The following GYG2 variants were observed in gnomAD, a reference collection of about 807,000 sequenced individuals.
GYG2 encodes glycogenin-2.
Under a neutral mutation model 29.4 loss-of-function variants are expected in GYG2, and 29 were observed. That is an observed-to-expected ratio of 0.99 (90% CI 0.74 to 1.35). The LOEUF (loss-of-function observed/expected upper bound fraction) is 1.35. Ranked by LOEUF, GYG2 falls within the 40% of genes most tolerant of loss-of-function variation. The probability of loss-of-function intolerance (pLI) is 0.00; values close to 1 mark genes in which losing one functional copy is unlikely to be tolerated. For missense variants in GYG2, 370 were observed against 385.7 expected (o/e 0.96, Z 0.34); for synonymous variants, 167 against 172.3 (o/e 0.97, Z 0.24).
chrX:2,879,315 T>C (rs1224004316), intron 10 of GYG2, among the ~76,000 whole-genome samples: 2 of 105,406 alleles, frequency 1.9e-5, no homozygotes, highest in Admixed American at 1.0e-4. Context: ...TCACCCAGTC[T>C]GGAGTGCAGT....
chrX:2,842,969 C>T (rs768079799), intron 2 of GYG2: 13 of 409,466 alleles, frequency 3.2e-5, no homozygotes, highest in Middle Eastern at 7.0e-4. Flanking sequence ...CCTGCCACCA[C>T]GCCCAGCTAA....
At position 2,859,827 on chromosome X, in the gene GYG2, T is replaced by G. The variant is rs1479834027; in HGVS notation, c.615-16T>G. 2 of 1,106,238 alleles carry G rather than the reference T, an allele frequency of 1.8e-6. No individual in the cohort carries two copies. The highest frequency in any genetic ancestry group is 2.5e-6 in the Non-Finnish European group (2 of 802,399). 91.2% of individuals were successfully genotyped at this position (1,106,238 alleles called of 1,213,427 possible). On this transcript the variant is annotated splice_polypyrimidine_tract_variant and intron_variant, in intron 6 of 10. Coordinates refer to ENST00000398806, the MANE Select transcript of GYG2 (RefSeq NM_001079855.2). The stretch of plus-strand genomic sequence containing the variant: ...CATCTGAGTGGAAATCAGAATCCCT[T>G]CTGTTTCCTTCTCAGATTCGGTTCC...
intron 2 of GYG2, among the ~76,000 whole-genome samples, chrX:2,839,429 G>A (rs1259410804): frequency 1.8e-5 from 2 of 111,144 alleles, no homozygotes; most frequent in Non-Finnish European, 3.8e-5. Context: ...TTGCTTGGAA[G>A]ATTCCTGGTT....
intron 8 of GYG2, among the ~76,000 whole-genome samples, chrX:2,873,751 C>G (rs1023354290): frequency 6.3e-5 from 7 of 111,317 alleles, no homozygotes; most frequent in African/African-American, 2.3e-4. Flanking sequence ...CGCCCCCAGC[C>G]CCTGGCAACT....
chrX:2,840,806 T>C (rs1160918720), intron 2 of GYG2, among the ~76,000 whole-genome samples: 1 of 110,786 alleles, frequency 9.0e-6, no homozygotes, highest in Non-Finnish European at 1.9e-5. Flanking sequence ...ATATGATAAA[T>C]AGATGATAGA....
chrX:2,843,467 C>T, intron 3 of GYG2, 113 bp downstream of exon 3: 1 of 568,180 alleles, frequency 1.8e-6, no homozygotes, highest in Non-Finnish European at 2.8e-6. Flanking sequence ...TCTTCATAGG[C>T]CTGGATGGCC....
chrX:2,837,300 C>T (rs986830527), intron 2 of GYG2, among the ~76,000 whole-genome samples: 6 of 112,229 alleles, frequency 5.3e-5, no homozygotes, highest in African/African-American at 1.9e-4. Flanking sequence ...AAACAGTGGA[C>T]TCTTCCTTAC....
intron 10 of GYG2, chrX:2,877,875 A>G (rs1328709594): frequency 1.3e-6 from 1 of 750,476 alleles, no homozygotes; most frequent in Non-Finnish European, 1.6e-6. Context: ...TTAAGTAACA[A>G]TCAATACAGC....
intron 8 of GYG2, among the ~76,000 whole-genome samples, chrX:2,864,764 CT>C (rs1182873326): frequency 2.1e-3 from 201 of 96,552 alleles, no homozygotes; most frequent in Non-Finnish European, 2.1e-3. Flanking sequence ...CTTTTTCTTT[CT>C]TTTTTTTTTT....
At chrX:2,877,056 T>A in intron 9 of GYG2, 144 bp from the exon 10 acceptor site, 1 of 789,319 alleles carries the variant, frequency 1.3e-6, no homozygotes, top group Non-Finnish European at 1.8e-6. Context: ...ATGCTGGGAT[T>A]ACAGGCATGA....
intron 2 of GYG2, among the ~76,000 whole-genome samples, chrX:2,837,355 C>T (rs1331173326): frequency 1.8e-5 from 2 of 112,120 alleles, no homozygotes; most frequent in East Asian, 5.6e-4. Context: ...AAAGCTTGCT[C>T]TTGCAGGACC....
chrX:2,847,135 A>G (rs775210597), intron 3 of GYG2, among the ~76,000 whole-genome samples: 4 of 111,680 alleles, frequency 3.6e-5, no homozygotes, highest in African/African-American at 1.3e-4. Flanking sequence ...ATGTTCACTT[A>G]TTTTAAGAAA....
At chrX:2,867,465 G>A (rs1302340166) in intron 8 of GYG2, among the ~76,000 whole-genome samples, 1 of 111,459 alleles carries the variant, frequency 9.0e-6, no homozygotes, top group African/African-American at 3.3e-5. Flanking sequence ...TGTCAGCCCT[G>A]CAAGCGGCCC....
chrX:2,850,386 G>A (rs779632644), intron 3 of GYG2, among the ~76,000 whole-genome samples: 4 of 111,719 alleles, frequency 3.6e-5, no homozygotes, highest in African/African-American at 6.5e-5. Context: ...GCTTAAATAC[G>A]TGTGCTGACA....
At chrX:2,869,976 A>C (rs188211439) in intron 8 of GYG2, among the ~76,000 whole-genome samples, 1 of 111,382 alleles carries the variant, frequency 9.0e-6, no homozygotes, top group East Asian at 2.8e-4. Context: ...GCTGAATATT[A>C]ATTTTTTCCA....
At chrX:2,851,441 A>T (rs1434018219) in intron 3 of GYG2, among the ~76,000 whole-genome samples, 1 of 111,341 alleles carries the variant, frequency 9.0e-6, no homozygotes, top group Admixed American at 9.6e-5. Flanking sequence ...ACGGGGTTTC[A>T]CCTTGTTGGC....
chrX:2,848,630 G>C (rs4892822), intron 3 of GYG2, among the ~76,000 whole-genome samples: 42,674 of 109,675 alleles, frequency 0.39, 7,016 homozygotes, highest in African/African-American at 0.62. Context: ...AGCAGGTTCC[G>C]TGTTTTATTT....
intron 7 of GYG2, among the ~76,000 whole-genome samples, chrX:2,861,050 G>T (rs999433630): frequency 2.7e-5 from 3 of 109,628 alleles, no homozygotes; most frequent in Non-Finnish European, 5.7e-5. Context: ...TTTAACTAGA[G>T]CATTTGCTAG....
intron 9 of GYG2, 60 bp downstream of exon 9, chrX:2,875,974 A>G (rs1428276494): frequency 3.2e-6 from 2 of 620,237 alleles, no homozygotes; most frequent in Non-Finnish European, 5.1e-6. Context: ...TTATTTTCTC[A>G]CAGGGTCTAT....
Sources: allele counts gnomAD v4.1 joint callset (sites outside exome capture counted in the v4.1 genomes callset), GRCh38; gene constraint gnomAD v4.1.1; transcripts MANE v1.5; gene names NCBI Gene and HGNC (gene_info 2026-07-23, HGNC 2026-07-21).